The following ATXN3 variants were observed in gnomAD, a reference collection of about 807,000 sequenced individuals.
The protein encoded by ATXN3 is ataxin 3, also known as ataxin-3.
In ATXN3, 28 loss-of-function variants were observed where a neutral mutation model predicts 58.2. The ratio of observed to expected loss-of-function variants is 0.48; its 90% CI spans 0.36 to 0.66. The LOEUF (loss-of-function observed/expected upper bound fraction) is 0.66, where lower values mean the gene tolerates loss of function less well. Ranked by LOEUF, ATXN3 falls within the 30% of genes least tolerant of loss-of-function variation. The pLI, the probability that ATXN3 is intolerant of heterozygous loss-of-function variation, is 0.00. For missense variants in ATXN3, 321 were observed against 422.1 expected, an observed-to-expected ratio of 0.76 and a Z score of 2.10; for synonymous variants, 113 against 138.5, an observed-to-expected ratio of 0.82 and a Z score of 1.29.
At chr14:92,054,950 C>G (rs528369869), downstream of ATXN3, among the ~76,000 whole-genome samples, 1 of 152,146 alleles carries the variant, frequency 6.6e-6, no homozygotes, top group African/African-American at 2.4e-5. Context: ...GGCGTGATCT[C>G]GGCTCACTGC....
intron 10 of ATXN3, 25 bp downstream of exon 10, chr14:92,070,910 A>C (rs773875930): frequency 1.2e-6 from 2 of 1,613,576 alleles, no homozygotes; most frequent in Middle Eastern, 1.6e-4. Flanking sequence ...GGTAGCGAAC[A>C]TGATGAATGG....
At chr14:92,079,012 C>T (rs2060944022) in intron 9 of ATXN3, among the ~76,000 whole-genome samples, 1 of 151,884 alleles carries the variant, frequency 6.6e-6, no homozygotes, top group Non-Finnish European at 1.5e-5. Context: ...ATGGTGAAAT[C>T]CCGTGTCTAC....
At chr14:92,104,874 A>G (rs951334002) in intron 1 of ATXN3, among the ~76,000 whole-genome samples, 4 of 150,124 alleles carry the variant, frequency 2.7e-5, no homozygotes, top group Non-Finnish European at 5.9e-5. Context: ...GTGAGCCATG[A>G]TGGCGCCATT....
At chr14:92,086,627 G>C (rs1341618741) in intron 6 of ATXN3, among the ~76,000 whole-genome samples, 2 of 151,844 alleles carry the variant, frequency 1.3e-5, no homozygotes, top group Admixed American at 6.6e-5. Context: ...CAGCTACTCG[G>C]GAGGTTGAGG....
intron 9 of ATXN3, among the ~76,000 whole-genome samples, chr14:92,076,913 C>A (rs2060493443): frequency 7.5e-6 from 1 of 133,696 alleles, no homozygotes; most frequent in Admixed American, 8.2e-5. Flanking sequence ...ACACTCCAGC[C>A]TGGGTGACAG....
At chr14:92,091,673 A>G (rs1478101064) in intron 5 of ATXN3, among the ~76,000 whole-genome samples, 3 of 148,250 alleles carry the variant, frequency 2.0e-5, no homozygotes, top group Admixed American at 2.0e-4. Context: ...GACATATAAT[A>G]AACTGCACAT....
In ATXN3 at chr14:92,087,711, C is replaced by T. The variant is rs1362662086; in HGVS notation, c.475+1019G>A. Among the ~76,000 whole-genome samples the T allele has an allele frequency of 2.6e-5, 4 of 151,920 alleles. No individual in the cohort carries two copies. In the East Asian group the frequency reaches 7.7e-4, roughly 29 times the overall value. Reference sequence around the variant, plus strand: ...TAAGCAGTAGAAGAAAGGAAGAATGCGTATAAAGGAAATGCTTGGGCCCCA... The same window carrying T: ...TAAGCAGTAGAAGAAAGGAAGAATGTGTATAAAGGAAATGCTTGGGCCCCA... On this transcript the variant is annotated intron_variant, in intron 6 of 10. Transcript: ENST00000644486.
rs1417867823 is a variant in ATXN3 at position 92,058,789 on chromosome 14, T to C, written c.*5531A>G. On this transcript the variant is annotated 3_prime_UTR_variant, in exon 11 of 11. Coordinates refer to ENST00000644486, the MANE Select transcript of ATXN3 (RefSeq NM_004993.6). ...AAGCGGCACTGCCACAGTGCACTTG[T>C]ATCATGGCCAAACAACAATGCTTTT... 2 of 152,080 alleles carry C rather than the reference T, an allele frequency of 1.3e-5. 1 individual carries two copies. Among genetic ancestry groups the C allele is most frequent in the East Asian group, 3.8e-4 (2 of 5,204 alleles). The allele number at this position is 152,080 out of a possible 1,614,324, so 9.4% of individuals were successfully genotyped here.
chr14:92,058,032 A>G (rs1228601879), downstream of ATXN3, among the ~76,000 whole-genome samples: 1 of 152,232 alleles, frequency 6.6e-6, no homozygotes, highest in Non-Finnish European at 1.5e-5. Flanking sequence ...CATTTAAAAA[A>G]TATATTTCAA....
At position 92,083,128 on chromosome 14, in the gene ATXN3, T is replaced by C. The variant is rs748016235; in HGVS notation, c.606A>G (p.Gln202=). The C allele has an allele frequency of 1.5e-5, 24 of 1,608,142 alleles. No homozygotes were observed. The highest frequency in any genetic ancestry group is 1.7e-5 in the Non-Finnish European group (20 of 1,178,566). The change falls in exon 7 of 11, where the codon CAA becomes CAG. Residue 202 remains glutamine, a splice_region_variant and synonymous_variant. Coordinates refer to ENST00000644486, the MANE Select transcript of ATXN3 (RefSeq NM_004993.6). ...CATACTGCAGGCCTCATTTTTACCT[T>C]TGCTCTTTTAGTTGTGCTAATTCTT... The part of the protein sequence containing the change: ...IGEELAQLKE[Q]RVHKTDLERV...
At chr14:92,071,130 T>C in intron 9 of ATXN3, 77 bp from the exon 10 acceptor site, 10 of 1,515,434 alleles carry the variant, frequency 6.6e-6, no homozygotes, top group Non-Finnish European at 8.9e-6. Context: ...AAACTATTCA[T>C]AAGGAAAATA....
chr14:92,085,329 G>A (rs2062206804), intron 6 of ATXN3, among the ~76,000 whole-genome samples: 1 of 151,886 alleles, frequency 6.6e-6, no homozygotes, highest in African/African-American at 2.4e-5. Flanking sequence ...TGGGACTACA[G>A]GTGCACAACA....
In ATXN3 at chr14:92,062,509, T is replaced by C. The variant is rs953599215; in HGVS notation, c.*1811A>G. 1 of 152,222 alleles carries C rather than the reference T, an allele frequency of 6.6e-6. No individual in the cohort carries two copies. The highest frequency in any genetic ancestry group is 1.5e-5 in the Non-Finnish European group (1 of 68,026). The allele number at this position is 152,222 out of a possible 1,614,324, so 9.4% of individuals were successfully genotyped here. ...ATGGAAAATATGACAAACACACTGGTAATAATTAACATAAATGTTCAGTCT... is the reference window on the plus strand; with the variant it reads ...ATGGAAAATATGACAAACACACTGGCAATAATTAACATAAATGTTCAGTCT... On this transcript the variant is annotated 3_prime_UTR_variant, in exon 11 of 11. Transcript: ENST00000644486.
chr14:92,052,415 G>A (rs1299264922), upstream of ATXN3, among the ~76,000 whole-genome samples: 2 of 152,010 alleles, frequency 1.3e-5, no homozygotes, highest in Non-Finnish European at 2.9e-5. Flanking sequence ...TTGAACCCAG[G>A]AGGCGGAGGT....
At chr14:92,104,729 C>T (rs2067787969) in intron 1 of ATXN3, among the ~76,000 whole-genome samples, 1 of 151,788 alleles carries the variant, frequency 6.6e-6, no homozygotes, top group African/African-American at 2.4e-5. Context: ...TGGAGACCAG[C>T]CTGGCCAACA....
intron 9 of ATXN3, chr14:92,071,432 C>T (rs2059432811): frequency 2.8e-6 from 1 of 356,698 alleles, no homozygotes; most frequent in African/African-American, 2.1e-5. Flanking sequence ...CCCATCTCTA[C>T]TAAAAATACA....
At chr14:92,085,702 A>G (rs887791613) in intron 6 of ATXN3, among the ~76,000 whole-genome samples, 1 of 152,250 alleles carries the variant, frequency 6.6e-6, no homozygotes, top group African/African-American at 2.4e-5. Context: ...TTTCATAGAC[A>G]TGTTCAGTTT....
chr14:92,104,143 T>A (rs2067552273), intron 1 of ATXN3, among the ~76,000 whole-genome samples: 1 of 152,232 alleles, frequency 6.6e-6, no homozygotes, highest in African/African-American at 2.4e-5. Flanking sequence ...GACTCTTTTT[T>A]CCTTTTCTTT....
intron 5 of ATXN3, among the ~76,000 whole-genome samples, chr14:92,091,478 C>T (rs1313863522): frequency 6.6e-6 from 1 of 151,564 alleles, no homozygotes; most frequent in Non-Finnish European, 1.5e-5. Flanking sequence ...AAAGAAAGAA[C>T]CAACTTAGGA....
Sources: gnomAD v4.1 joint callset for allele counts (sites outside exome capture counted in the v4.1 genomes callset) on GRCh38, gnomAD v4.1.1 for gene constraint, MANE v1.5 for transcripts, NCBI Gene and HGNC (gene_info 2026-07-23, HGNC 2026-07-21) for gene names.